DLGAP2: variants seen among roughly 807,000 people sequenced by gnomAD.
The protein encoded by DLGAP2 is disks large-associated protein 2.
DLGAP2 carries 26 observed loss-of-function variants against 100.3 expected under a neutral mutation model. The observed-to-expected ratio is 0.26, with a 90% CI of 0.19 to 0.36. DLGAP2 has a LOEUF of 0.36. Among genes scored for constraint, DLGAP2 ranks in the 10% least tolerant of loss-of-function variants. The pLI is 1.00. For synonymous variants in DLGAP2, 886 were observed against 630.1 expected, an observed-to-expected ratio of 1.41 and a Z score of -6.08; for missense variants, 1,858 against 1,453.2, an observed-to-expected ratio of 1.28 and a Z score of -4.53.
intron 2 of DLGAP2, among the ~76,000 whole-genome samples, chr8:968,959 C>T (rs948189343): frequency 4.6e-5 from 7 of 152,140 alleles, no homozygotes; most frequent in African/African-American, 9.7e-5. Flanking sequence ...ACAGTTCCCG[C>T]GAACCAATCA....
intron 1 of DLGAP2, among the ~76,000 whole-genome samples, chr8:880,656 G>C (rs1379487275): frequency 6.9e-6 from 1 of 145,280 alleles, no homozygotes; most frequent in Admixed American, 6.8e-5. Flanking sequence ...GTGCTGGGGA[G>C]ACTTTATAGG....
intron 8 of DLGAP2, among the ~76,000 whole-genome samples, chr8:1,656,904 G>A (rs993115919): frequency 4.6e-5 from 7 of 152,028 alleles, no homozygotes; most frequent in African/African-American, 1.4e-4. Flanking sequence ...TGCGATCCCT[G>A]TGAAACAAAC....
At chr8:980,338 A>G (rs971516934) in intron 2 of DLGAP2, among the ~76,000 whole-genome samples, 1 of 152,214 alleles carries the variant, frequency 6.6e-6, no homozygotes, top group Non-Finnish European at 1.5e-5. Context: ...GCTTTGGGCT[A>G]TTGATGGCTG....
At chr8:1,539,203 C>G (rs74304039) in intron 4 of DLGAP2, among the ~76,000 whole-genome samples, 3,875 of 152,154 alleles carry the variant, frequency 0.025, 148 homozygotes, top group East Asian at 0.12. Context: ...CATCTTTTTT[C>G]GTTTGTTTTC....
intron 2 of DLGAP2, among the ~76,000 whole-genome samples, chr8:1,232,217 G>T (rs1798550036): frequency 6.6e-6 from 1 of 152,220 alleles, no homozygotes; most frequent in Non-Finnish European, 1.5e-5. Flanking sequence ...ACTTGCCGGG[G>T]TCATCAGCCA....
chr8:1,460,129 G>A (rs1248839748), intron 3 of DLGAP2, among the ~76,000 whole-genome samples: 1 of 152,150 alleles, frequency 6.6e-6, no homozygotes, highest in Admixed American at 6.5e-5. Context: ...CGGTTCTGCG[G>A]CCCCGGGCTT....
At chr8:1,122,615 C>G (rs1375347186) in intron 2 of DLGAP2, among the ~76,000 whole-genome samples, 1 of 146,512 alleles carries the variant, frequency 6.8e-6, no homozygotes, top group Admixed American at 6.7e-5. Context: ...GTAGGTCTCT[C>G]AAAAATACAT....
intron 1 of DLGAP2, among the ~76,000 whole-genome samples, chr8:773,137 C>T (rs765981486): frequency 3.3e-5 from 5 of 152,204 alleles, no homozygotes; most frequent in African/African-American, 4.8e-5. Context: ...CATCTTCTCA[C>T]AGCTCTGGAG....
At chr8:1,214,554 A>T (rs781083579) in intron 2 of DLGAP2, among the ~76,000 whole-genome samples, 1 of 152,220 alleles carries the variant, frequency 6.6e-6, no homozygotes, top group African/African-American at 2.4e-5. Flanking sequence ...CCAGGAGTGG[A>T]GTAACCTTCT....
intron 2 of DLGAP2, among the ~76,000 whole-genome samples, chr8:1,122,039 G>T (rs930631462): frequency 6.6e-6 from 1 of 152,156 alleles, no homozygotes; most frequent in African/African-American, 2.4e-5. Flanking sequence ...GGGATTGAGT[G>T]CATTTGCCCC....
chr8:1,410,197 C>A (rs1300169942), intron 3 of DLGAP2, among the ~76,000 whole-genome samples: 1 of 152,128 alleles, frequency 6.6e-6, no homozygotes, highest in Non-Finnish European at 1.5e-5. Context: ...GATCAGGGCC[C>A]AGATCATCTG....
intron 2 of DLGAP2, among the ~76,000 whole-genome samples, chr8:989,762 GT>G (rs1456114047): frequency 6.6e-6 from 1 of 152,142 alleles, no homozygotes; most frequent in South Asian, 2.1e-4. Context: ...ACATAATATT[GT>G]TTTTGTATTT....
rs1727601777 is a variant in DLGAP2, at chr8:1,703,606, C to T, written c.*2200C>T. The stretch of plus-strand genomic sequence containing the variant: ...TGGATAAAGGCCCGCCACCTCCTCA[C>T]ATTGGTCTATCTACTGGCAGCTGAT... On this transcript the variant is annotated 3_prime_UTR_variant, in exon 15 of 15. Coordinates refer to ENST00000637795, the MANE Select transcript of DLGAP2 (RefSeq NM_001346810.2). 1 of 152,252 alleles carries T rather than the reference C, an allele frequency of 6.6e-6. No homozygotes were observed. Among genetic ancestry groups the T allele is most frequent in the Non-Finnish European group, 1.5e-5 (1 of 68,052 alleles). The allele number at this position is 152,252 out of a possible 1,614,324, so 9.4% of individuals were successfully genotyped here.
At chr8:1,267,218 C>T (rs186400359) in intron 3 of DLGAP2, among the ~76,000 whole-genome samples, 74 of 146,534 alleles carry the variant, frequency 5.1e-4, no homozygotes, top group African/African-American at 1.6e-3. Context: ...GGCAACAGAG[C>T]GAGACTTCAT....
intron 6 of DLGAP2, among the ~76,000 whole-genome samples, chr8:1,608,189 A>G (rs902473011): frequency 8.0e-6 from 1 of 125,078 alleles, no homozygotes; most frequent in Non-Finnish European, 1.7e-5. Flanking sequence ...GCAGCTGGAG[A>G]TCTGAGAACG....
intron 2 of DLGAP2, among the ~76,000 whole-genome samples, chr8:1,130,998 C>G (rs1418478890): frequency 6.6e-6 from 1 of 152,228 alleles, no homozygotes; most frequent in Non-Finnish European, 1.5e-5. Flanking sequence ...ACAGCTTACT[C>G]CGTACACATT....
intron 2 of DLGAP2, among the ~76,000 whole-genome samples, chr8:1,008,827 G>C (rs1262631365): frequency 6.6e-6 from 1 of 152,236 alleles, no homozygotes; most frequent in Non-Finnish European, 1.5e-5. Flanking sequence ...ACTGGGAGAG[G>C]GGCCCCGGGC....
In DLGAP2 at chr8:1,198,260, A is replaced by G. The variant is rs192236732; in HGVS notation, c.74-60591A>G. Among the ~76,000 whole-genome samples the G allele has an allele frequency of 5.1e-3, 772 of 152,200 alleles. 14 individuals are homozygous for G. In the South Asian group the frequency reaches 0.063, roughly 12 times the overall value. On this transcript the variant is annotated intron_variant, in intron 2 of 14. Coordinates refer to ENST00000637795, the MANE Select transcript of DLGAP2 (RefSeq NM_001346810.2). ...TAACAAGCTGCACATCCCTCTAAGGAGGAAAGGGACTTTTGTAAGCTTCAA... is the reference window on the plus strand; with the variant it reads ...TAACAAGCTGCACATCCCTCTAAGGGGGAAAGGGACTTTTGTAAGCTTCAA...
At chr8:853,465 C>G (rs1797218483) in intron 1 of DLGAP2, among the ~76,000 whole-genome samples, 1 of 152,204 alleles carries the variant, frequency 6.6e-6, no homozygotes, top group African/African-American at 2.4e-5. Flanking sequence ...ATCATCTGCA[C>G]AGATGGCTTA....
Sources: allele counts gnomAD v4.1 joint callset (sites outside exome capture counted in the v4.1 genomes callset), GRCh38; gene constraint gnomAD v4.1.1; transcripts MANE v1.5; gene names NCBI Gene and HGNC (gene_info 2026-07-23, HGNC 2026-07-21).